Variants in LRRIQ1 observed in about 807,000 individuals in gnomAD.
The protein encoded by LRRIQ1 is leucine rich repeats and IQ motif containing 1, also known as leucine-rich repeat- and IQ domain-containing protein 1.
A neutral mutation model predicts 211.9 loss-of-function variants in LRRIQ1; 210 were observed. That is an observed-to-expected ratio of 0.99 (90% CI 0.89 to 1.11). LRRIQ1 has a LOEUF of 1.11. Ranked by LOEUF, LRRIQ1 falls within the 50% of genes most tolerant of loss-of-function variation. The pLI is 0.00. For synonymous variants in LRRIQ1, 699 were observed against 650.1 expected, an observed-to-expected ratio of 1.08 and a Z score of -1.14; for missense variants, 2,136 against 1,939.5, an observed-to-expected ratio of 1.10 and a Z score of -1.90.
In LRRIQ1 at chr12:85,072,949, G is replaced by A; in HGVS notation, c.2738G>A (p.Gly913Glu). 6.2e-7 allele frequency: 1 copy of A among 1,611,460 alleles called. No individual in the cohort carries two copies. The highest frequency in any genetic ancestry group is 8.5e-7 in the Non-Finnish European group (1 of 1,178,708). ...GAAGAAAAACTTGTTGACAATGCAGGGTTCTGCCATCACTTGGGCACCTCC... is the reference window on the plus strand; with the variant it reads ...GAAGAAAAACTTGTTGACAATGCAGAGTTCTGCCATCACTTGGGCACCTCC... ...FLEEKLVDNA[G>E]FCHHLGTSTS... The change falls in exon 11 of 27, where the codon GGG becomes GAG. Residue 913 changes from glycine (G) to glutamate (E), a missense_variant. Transcript: ENST00000393217.
chr12:85,142,095 G>A (rs1248085894), intron 19 of LRRIQ1, among the ~76,000 whole-genome samples: 1 of 151,028 alleles, frequency 6.6e-6, no homozygotes, highest in East Asian at 2.0e-4. Flanking sequence ...TTCTAGTTAG[G>A]CTTTCAATTT....
intron 24 of LRRIQ1, among the ~76,000 whole-genome samples, chr12:85,175,671 T>C (rs2136843185): frequency 6.6e-6 from 1 of 152,262 alleles, no homozygotes; most frequent in East Asian, 1.9e-4. Flanking sequence ...CCATCTTGAA[T>C]TGATTTTTGT....
At chr12:85,212,382 A>T (rs1053177272) in intron 24 of LRRIQ1, among the ~76,000 whole-genome samples, 4 of 152,170 alleles carry the variant, frequency 2.6e-5, no homozygotes, top group Non-Finnish European at 5.9e-5. Flanking sequence ...AAAGAAAGGC[A>T]CTATGGGTTT....
downstream of LRRIQ1, among the ~76,000 whole-genome samples, chr12:85,264,623 TAAAACATG>T (rs1346229078): frequency 6.6e-6 from 1 of 152,068 alleles, no homozygotes; most frequent in East Asian, 1.9e-4. Flanking sequence ...AAAAATTGGA[TAAAACATG>T]AAAGAAATCA....
intron 23 of LRRIQ1, among the ~76,000 whole-genome samples, chr12:85,157,989 G>T (rs1250009150): frequency 6.6e-6 from 1 of 151,796 alleles, no homozygotes; most frequent in Non-Finnish European, 1.5e-5. Flanking sequence ...GACCAGCAGG[G>T]AATAGTATAG....
chr12:85,087,040 C>T (rs1241745143), intron 11 of LRRIQ1, among the ~76,000 whole-genome samples: 1 of 151,888 alleles, frequency 6.6e-6, no homozygotes, highest in Non-Finnish European at 1.5e-5. Flanking sequence ...GTGTACTGCA[C>T]CCATTAACTC....
intron 18 of LRRIQ1, among the ~76,000 whole-genome samples, chr12:85,131,984 A>G (rs1482569271): frequency 6.6e-6 from 1 of 152,122 alleles, no homozygotes; most frequent in Non-Finnish European, 1.5e-5. Context: ...TGGGTCTTGA[A>G]TTTCTGACCC....
At chr12:85,125,991 G>A (rs976790097) in intron 17 of LRRIQ1, among the ~76,000 whole-genome samples, 1 of 152,122 alleles carries the variant, frequency 6.6e-6, no homozygotes, top group Non-Finnish European at 1.5e-5. Flanking sequence ...TTGTATAAGA[G>A]TTTCCTAAGA....
At chr12:85,129,896 A>G (rs1888633383) in intron 18 of LRRIQ1, among the ~76,000 whole-genome samples, 1 of 152,192 alleles carries the variant, frequency 6.6e-6, no homozygotes, top group African/African-American at 2.4e-5. Flanking sequence ...ACAGTAAACC[A>G]GGCAAGAGAT....
intron 23 of LRRIQ1, chr12:85,159,677 G>A (rs1890757793): frequency 6.6e-6 from 1 of 152,008 alleles, no homozygotes; most frequent in Non-Finnish European, 1.5e-5. Flanking sequence ...AGAGTAGAGA[G>A]ATGGTTATAA....
intron 8 of LRRIQ1, among the ~76,000 whole-genome samples, chr12:85,063,487 A>G (rs1882089129): frequency 6.6e-6 from 1 of 151,712 alleles, no homozygotes; most frequent in Admixed American, 6.6e-5. Context: ...TAATCACATT[A>G]TAGTAGATGG....
chr12:85,192,931 TATA>T (rs1389536174), intron 24 of LRRIQ1, among the ~76,000 whole-genome samples: 1 of 94,012 alleles, frequency 1.1e-5, no homozygotes, highest in Non-Finnish European at 1.9e-5. Context: ...AATTATATAA[TATA>T]ATTATATATA....
At chr12:85,248,979 C>T (rs180782619), downstream of LRRIQ1, among the ~76,000 whole-genome samples, 29 of 151,674 alleles carry the variant, frequency 1.9e-4, no homozygotes, top group African/African-American at 6.8e-4. Flanking sequence ...CTTGAAATTT[C>T]CTACTAATAA....
In LRRIQ1 at chr12:85,056,753, G is replaced by A. The variant is rs1881139476; in HGVS notation, c.1960G>A (p.Gly654Ser). ...CCCAAAAGACAATGCTTGGAATAGT[G>A]GCATTGTGATTTTTAACACAACTGA... ...ENPKDNAWNS[G>S]IVIFNTTDTM... The change falls in exon 8 of 27, where the codon GGC (glycine) becomes AGC (serine). Residue 654 changes from glycine to serine, a missense_variant. Physicochemically the swap from Gly to Ser is moderately conservative, Grantham distance 56 (BLOSUM62 0). Transcript: ENST00000393217. 1.2e-6 allele frequency: 2 copies of A among 1,604,914 alleles called. No individual in the cohort carries two copies. The highest frequency in any genetic ancestry group is 1.7e-6 in the Non-Finnish European group (2 of 1,177,650).
chr12:85,220,584 G>A (rs1894351597), intron 24 of LRRIQ1, among the ~76,000 whole-genome samples: 2 of 150,906 alleles, frequency 1.3e-5, no homozygotes, highest in African/African-American at 4.9e-5. Flanking sequence ...AATTTTATAT[G>A]AATGAGTAGT....
rs572296888 is a variant in LRRIQ1, at chr12:85,118,889, A to G, written c.3378-2808A>G. On this transcript the variant is annotated intron_variant, in intron 15 of 26. Transcript: ENST00000393217. ...TTATTTTTAGAGTAGTCATAGGTTA[A>G]CAGCAAAACTGAGCAGAAAGTACAG... Among the ~76,000 whole-genome samples, 55 of 152,186 alleles carry G rather than the reference A, an allele frequency of 3.6e-4. No individual in the cohort carries two copies. In the South Asian group the frequency reaches 0.01, roughly 29 times the overall value.
intron 24 of LRRIQ1, among the ~76,000 whole-genome samples, chr12:85,166,410 C>G (rs1397353796): frequency 6.6e-6 from 1 of 152,118 alleles, no homozygotes; most frequent in Non-Finnish European, 1.5e-5. Context: ...TTGCAGATAA[C>G]TCATGGTTTT....
chr12:85,240,911 A>C (rs1895430014), intron 26 of LRRIQ1, among the ~76,000 whole-genome samples: 1 of 152,144 alleles, frequency 6.6e-6, no homozygotes, highest in Non-Finnish European at 1.5e-5. Context: ...GGAAGACGGA[A>C]TAGATTTGTG....
At chr12:85,259,256 C>G (rs1362408637) in intron 1 of LRRIQ1, among the ~76,000 whole-genome samples, 1 of 151,980 alleles carries the variant, frequency 6.6e-6, no homozygotes, top group East Asian at 1.9e-4. Flanking sequence ...TATTTTTGTT[C>G]TAGGAGTCCA....
Sources: allele counts gnomAD v4.1 joint callset (sites outside exome capture counted in the v4.1 genomes callset), GRCh38; gene constraint gnomAD v4.1.1; transcripts MANE v1.5; gene names NCBI Gene and HGNC (gene_info 2026-07-23, HGNC 2026-07-21).